SLC22A24: variants seen among roughly 807,000 people sequenced by gnomAD.
The protein encoded by SLC22A24 is steroid transmembrane transporter SLC22A24.
A neutral mutation model predicts 49.8 loss-of-function variants in SLC22A24; 53 were observed. That is an observed-to-expected ratio of 1.06 (90% CI 0.85 to 1.34). SLC22A24 has a LOEUF of 1.34. SLC22A24 is among the 40% of genes most tolerant of loss of function. The pLI is 0.00. For missense variants in SLC22A24, 786 were observed against 675.9 expected (o/e 1.16, Z -1.81); for synonymous variants, 302 against 256.4 (o/e 1.18, Z -1.70).
chr11:63,124,344 C>A (rs2087273247), intron 2 of SLC22A24, among the ~76,000 whole-genome samples: 1 of 152,140 alleles, frequency 6.6e-6, no homozygotes, highest in South Asian at 2.1e-4. Context: ...TGAGAAGGCA[C>A]AGATAATGAG....
At chr11:63,137,590 G>A (rs1391785183) in intron 1 of SLC22A24, among the ~76,000 whole-genome samples, 1 of 152,304 alleles carries the variant, frequency 6.6e-6, no homozygotes, top group Admixed American at 6.5e-5. Flanking sequence ...TTTGAGCTTT[G>A]CCAGGCTGAT....
At position 63,134,982 on chromosome 11, in the gene SLC22A24, C is replaced by T. The variant is rs1236903237; in HGVS notation, c.403-214G>A. On this transcript the variant is annotated intron_variant, in intron 1 of 9. Coordinates refer to ENST00000612278, the MANE Select transcript of SLC22A24 (RefSeq NM_001136506.2). ...ACTTTTCAAATGCATCTGTCTCTCT[C>T]TCACCTCCTAACCTTCCAAAATATA... Among the ~76,000 whole-genome samples, 3 of 152,282 alleles carry T rather than the reference C, an allele frequency of 2.0e-5. No individual in the cohort carries two copies. The East Asian group carries it at 5.8e-4, about 29-fold the overall frequency.
At chr11:63,128,472 C>CTG (rs1182630258) in intron 2 of SLC22A24, among the ~76,000 whole-genome samples, 10 of 152,202 alleles carry the variant, frequency 6.6e-5, no homozygotes, top group East Asian at 3.9e-4. Flanking sequence ...GAGGGCCTGA[C>CTG]ATCAGTCAGG....
At chr11:63,095,572 T>C (rs549420160) in intron 6 of SLC22A24, among the ~76,000 whole-genome samples, 11 of 152,210 alleles carry the variant, frequency 7.2e-5, no homozygotes, top group African/African-American at 2.6e-4. Flanking sequence ...GAAAGAGACA[T>C]GAGAGATGAT....
chr11:63,090,685 A>ATAAATAAATAAG (rs2087015063), intron 6 of SLC22A24, among the ~76,000 whole-genome samples: 4 of 148,118 alleles, frequency 2.7e-5, no homozygotes, highest in Admixed American at 2.0e-4. Flanking sequence ...AAATAAATAA[A>ATAAATAAATAAG]TAAATAATAG....
chr11:63,087,931 C>G (rs898201260), intron 6 of SLC22A24, among the ~76,000 whole-genome samples: 1 of 152,178 alleles, frequency 6.6e-6, no homozygotes, highest in Non-Finnish European at 1.5e-5. Flanking sequence ...AGACAAAATC[C>G]TCATTTCCCT....
intron 4 of SLC22A24, among the ~76,000 whole-genome samples, chr11:63,113,591 C>T (rs6591746): frequency 0.71 from 107,700 of 151,516 alleles, 39,864 homozygotes; most frequent in East Asian, 0.9. Context: ...CACAGTGGCT[C>T]ACACCTGTAA....
chr11:63,134,803 A>G (rs774202857), intron 1 of SLC22A24, 35 bp from the exon 2 acceptor site: 22 of 1,447,234 alleles, frequency 1.5e-5, no homozygotes, highest in Non-Finnish European at 2.1e-5. Flanking sequence ...GCAGAGCTTG[A>G]GAAGAGTTTC....
intron 8 of SLC22A24, among the ~76,000 whole-genome samples, 159 bp from the exon 9 acceptor site, chr11:63,081,282 C>T (rs2086958568): frequency 6.6e-6 from 1 of 152,184 alleles, no homozygotes; most frequent in African/African-American, 2.4e-5. Flanking sequence ...CTGTTGGTTT[C>T]TACCTATTTG....
At chr11:63,113,287 C>G (rs2087188234) in intron 4 of SLC22A24, among the ~76,000 whole-genome samples, 1 of 148,760 alleles carries the variant, frequency 6.7e-6, no homozygotes, top group Non-Finnish European at 1.5e-5. Context: ...TGACTTTGAT[C>G]CTGTCGTTAT....
chr11:63,108,192 CAT>C (rs1404915051), intron 4 of SLC22A24, among the ~76,000 whole-genome samples: 1 of 152,094 alleles, frequency 6.6e-6, no homozygotes, highest in African/African-American at 2.4e-5. Context: ...TTGAGATAAT[CAT>C]GTGGTTTTTG....
chr11:63,093,565 T>C (rs545878967), intron 6 of SLC22A24, among the ~76,000 whole-genome samples: 3 of 151,906 alleles, frequency 2.0e-5, no homozygotes, highest in Non-Finnish European at 4.4e-5. Flanking sequence ...GGCTGGAGGT[T>C]ATTATCCTTA....
intron 6 of SLC22A24, among the ~76,000 whole-genome samples, chr11:63,090,061 A>G (rs1462784601): frequency 1.5e-5 from 2 of 134,056 alleles, no homozygotes; most frequent in Non-Finnish European, 3.1e-5. Context: ...AGCCTGGACG[A>G]CAGAACGAGA....
intron 2 of SLC22A24, among the ~76,000 whole-genome samples, chr11:63,120,447 A>G (rs11231371): frequency 0.79 from 119,935 of 151,422 alleles, 48,711 homozygotes; most frequent in East Asian, 0.9. Flanking sequence ...AAAACTTAAA[A>G]TATAATAAAA....
chr11:63,090,841 A>T (rs1012485580), intron 6 of SLC22A24, among the ~76,000 whole-genome samples: 1 of 151,992 alleles, frequency 6.6e-6, no homozygotes, highest in Admixed American at 6.5e-5. Context: ...AAGATCTAAA[A>T]CTGACATTCT....
chr11:63,141,550 CCAGA>C (rs1454168467), intron 1 of SLC22A24, among the ~76,000 whole-genome samples: 4 of 152,142 alleles, frequency 2.6e-5, no homozygotes, highest in Non-Finnish European at 5.9e-5. Context: ...CATACCTTGT[CCAGA>C]CAGAGTCCCT....
rs1939782 is a variant in SLC22A24, at chr11:63,134,700, A to C, written c.471T>G (p.Leu157=). The part of the protein sequence containing the change: ...MVQSLFMAGS[L]LGGLIYGHLS... ...GATGGCCATATATTAGACCTCCCAGAAGTGACCCAGCCATAAATAGGGATT... is the reference window on the plus strand; with the variant it reads ...GATGGCCATATATTAGACCTCCCAGCAGTGACCCAGCCATAAATAGGGATT... Residue 157 remains leucine, a synonymous_variant, in exon 2 of 10, where the codon CTT becomes CTG. Transcript: ENST00000612278. 1 allele frequency: 1,554,342 copies of C among 1,556,060 alleles called. 776,333 individuals are homozygous for C. Among genetic ancestry groups the C allele is most frequent in the East Asian group, 1 (41,486 of 41,486 alleles).
In SLC22A24 at chr11:63,118,987, G is replaced by A. The variant is rs1421253235; in HGVS notation, c.755C>T (p.Ala252Val). ...TATGTGCCAGTCCTGAATGGCAAAA[G>A]CCAGCCCTCCTAGGAGCATCTGCCC... The part of the protein sequence containing the change: ...SVGQMLLGGL[A>V]FAIQDWHILQ... Residue 252 changes from alanine to valine, a missense_variant, in exon 4 of 10, where the codon GCT (alanine) becomes GTT (valine). Transcript: ENST00000612278. The A allele has an allele frequency of 6.4e-7, 1 of 1,551,812 alleles. No homozygotes were observed. The highest frequency in any genetic ancestry group is 8.7e-7 in the Non-Finnish European group (1 of 1,146,970).
Position 63,141,118 on chromosome 11 carries a change from G to A in SLC22A24, c.402+2260C>T, listed in dbSNP as rs529006421. On this transcript the variant is annotated intron_variant, in intron 1 of 9. Transcript: ENST00000612278. The stretch of plus-strand genomic sequence containing the variant: ...GCTGTTTGATTGAAAATTGTAAAGC[G>A]TTCTAAAAAGTTTATAAAAATCTTA... Among the ~76,000 whole-genome samples, 302 of 152,140 alleles carry A rather than the reference G, an allele frequency of 2.0e-3. 3 individuals carry two copies. The highest frequency in any genetic ancestry group is 6.5e-3 in the African/African-American group (271 of 41,500).
Sources: allele counts gnomAD v4.1 joint callset (sites outside exome capture counted in the v4.1 genomes callset), GRCh38; gene constraint gnomAD v4.1.1; transcripts MANE v1.5; gene names NCBI Gene and HGNC (gene_info 2026-07-23, HGNC 2026-07-21).